Variants in EPHA7 observed in about 807,000 individuals in gnomAD.
EPHA7 encodes the protein EPH receptor A7.
Under a neutral mutation model 112.6 loss-of-function variants are expected in EPHA7, and 25 were observed. That is an observed-to-expected ratio of 0.22 (90% CI 0.16 to 0.31). EPHA7 has a LOEUF of 0.31. EPHA7 is among the 10% of genes least tolerant of loss of function. The probability of loss-of-function intolerance (pLI) is 1.00; values close to 1 mark genes in which losing one functional copy is unlikely to be tolerated. For synonymous variants in EPHA7, 437 were observed against 406.5 expected (o/e 1.07, Z -0.90); for missense variants, 962 against 1,212.6 (o/e 0.79, Z 3.07).
chr6:93,369,163 G>C (rs1478072309), intron 3 of EPHA7, among the ~76,000 whole-genome samples: 1 of 131,786 alleles, frequency 7.6e-6, no homozygotes, highest in African/African-American at 2.9e-5. Flanking sequence ...AGAAAGAAAA[G>C]AAAAGAAAAA....
intron 5 of EPHA7, among the ~76,000 whole-genome samples, chr6:93,298,766 G>A (rs1339456417): frequency 6.6e-6 from 1 of 152,106 alleles, no homozygotes; most frequent in Non-Finnish European, 1.5e-5. Flanking sequence ...ATTTCTGGAG[G>A]TCAGTTTGGC....
intron 3 of EPHA7, among the ~76,000 whole-genome samples, chr6:93,386,780 C>A (rs1389168415): frequency 6.6e-6 from 1 of 152,108 alleles, no homozygotes; most frequent in Non-Finnish European, 1.5e-5. Flanking sequence ...ACCTGCAGGA[C>A]CAACACCACA....
chr6:93,353,183 CT>C (rs1371210743), intron 5 of EPHA7, among the ~76,000 whole-genome samples: 1 of 152,006 alleles, frequency 6.6e-6, no homozygotes, highest in Non-Finnish European at 1.5e-5. Flanking sequence ...TGTTTTCCCC[CT>C]ACTTCTATAT....
intron 7 of EPHA7, among the ~76,000 whole-genome samples, chr6:93,266,753 C>T (rs893353004): frequency 4.6e-5 from 7 of 151,676 alleles, no homozygotes; most frequent in South Asian, 2.1e-4. Context: ...GGTGATATCA[C>T]TGGACCATGC....
At chr6:93,273,952 T>C (rs544246286) in intron 5 of EPHA7, among the ~76,000 whole-genome samples, 2 of 151,844 alleles carry the variant, frequency 1.3e-5, no homozygotes, top group Non-Finnish European at 2.9e-5. Context: ...AAATAATCTC[T>C]AGTAGCATAA....
In EPHA7 at chr6:93,257,542, AG is replaced by A; in HGVS notation, c.2111-20del. 1 of 1,550,058 alleles carries A rather than the reference AG, an allele frequency of 6.5e-7. No individual in the cohort carries two copies. The highest frequency in any genetic ancestry group is 8.8e-7 in the Non-Finnish European group (1 of 1,131,498). ...GGTTTCCCTAAAATTAAAAAAAAAA[AG>A]TTTCAGGAGTCGTAACCTGAGCTGG... On this transcript the variant is annotated intron_variant, in intron 11 of 16. Coordinates refer to ENST00000369303, the MANE Select transcript of EPHA7 (RefSeq NM_004440.4).
chr6:93,418,922 AC>A (rs1315640694), intron 1 of EPHA7, among the ~76,000 whole-genome samples: 3 of 152,174 alleles, frequency 2.0e-5, no homozygotes, highest in Admixed American at 6.5e-5. Flanking sequence ...CGCCTGAGGT[AC>A]TAAGAAATAA....
At chr6:93,314,858 C>CTTTTTT (rs777231219) in intron 5 of EPHA7, among the ~76,000 whole-genome samples, 21 of 101,348 alleles carry the variant, frequency 2.1e-4, no homozygotes, top group African/African-American at 3.0e-4. Context: ...ATATAATTTT[C>CTTTTTT]TTTTTTTTTT....
chr6:93,262,264 T>A (rs538327039), intron 9 of EPHA7, among the ~76,000 whole-genome samples: 25 of 151,580 alleles, frequency 1.6e-4, no homozygotes, highest in Admixed American at 1.1e-3. Context: ...TTTTCTCTAT[T>A]TCCTCTAGCT....
In EPHA7 at chr6:93,414,752, G is replaced by A. The variant is rs750219466; in HGVS notation, c.113C>T (p.Ser38Phe). The change falls in exon 2 of 17, where the codon TCT (serine) becomes TTT (phenylalanine). Residue 38 changes from serine (S) to phenylalanine (F), a missense_variant. Ser to Phe is a radical substitution (Grantham distance 155). This residue lies in a region of EPHA7 where 56 missense variants were observed against 59.9 expected (regional missense o/e 0.94). Transcript: ENST00000369303. Reference protein sequence around the residue: ...QAAKEVLLLDSKAQQTELEWI... With the variant: ...QAAKEVLLLDFKAQQTELEWI... ...CTCCAACTCTGTTTGTTGTGCTTTAGAATCCAGCAGTAGTACTGAAAAAGA... is the reference window on the plus strand; with the variant it reads ...CTCCAACTCTGTTTGTTGTGCTTTAAAATCCAGCAGTAGTACTGAAAAAGA... The A allele has an allele frequency of 6.2e-7, 1 of 1,612,470 alleles. No homozygotes were observed. The highest frequency in any genetic ancestry group is 8.5e-7 in the Non-Finnish European group (1 of 1,179,050).
chr6:93,264,933 C>T lies in EPHA7; in HGVS notation c.1634-231G>A, dbSNP rs1296419733. On this transcript the variant is annotated intron_variant, in intron 7 of 16. Transcript: ENST00000369303. ...TCAGCTACAAAAGAACGTATAAATG[C>T]CTTATTGAATGATTATATTCCTGCT... is the stretch of plus-strand genomic sequence containing the variant. 2.6e-5 allele frequency among the ~76,000 whole-genome samples: 4 copies of T among 151,612 alleles called. No individual in the cohort carries two copies. In the East Asian group the frequency reaches 5.8e-4, roughly 22 times the overall value.
chr6:93,240,757 G>T lies in EPHA7; in HGVS notation c.*2669C>A, dbSNP rs1769656358. 1 of 211,506 alleles carries T rather than the reference G, an allele frequency of 4.7e-6. No homozygotes were observed. Among genetic ancestry groups the T allele is most frequent in the South Asian group, 1.9e-4 (1 of 5,320 alleles). 13.1% of individuals were successfully genotyped at this position (211,506 alleles called of 1,614,324 possible). A position where few individuals can be genotyped will look rare whatever the true frequency, so the allele number is the denominator to read the frequency against. ...GAGCACTAATTTATTTAAAAAAAAA[G>T]ATTTCAAGGTGCAAGTTGTACATTC... On this transcript the variant is annotated 3_prime_UTR_variant, in exon 17 of 17. Coordinates refer to ENST00000369303, the MANE Select transcript of EPHA7 (RefSeq NM_004440.4).
chr6:93,268,866 G>T (rs1771074865), intron 7 of EPHA7, among the ~76,000 whole-genome samples: 1 of 151,716 alleles, frequency 6.6e-6, no homozygotes, highest in Admixed American at 6.6e-5. Flanking sequence ...TGGTCATAGG[G>T]ATATTCATTT....
At chr6:93,361,703 C>T (rs1466209359) in intron 3 of EPHA7, among the ~76,000 whole-genome samples, 3 of 151,946 alleles carry the variant, frequency 2.0e-5, no homozygotes, top group Non-Finnish European at 2.9e-5. Context: ...CCTTAAATTC[C>T]CTTCATACAT....
chr6:93,348,446 A>G (rs936365478), intron 5 of EPHA7, among the ~76,000 whole-genome samples: 2 of 151,870 alleles, frequency 1.3e-5, no homozygotes, highest in African/African-American at 2.4e-5. Flanking sequence ...ATTCAATGTT[A>G]TATAAAAGAT....
intron 5 of EPHA7, among the ~76,000 whole-genome samples, chr6:93,346,801 C>T (rs980673098): frequency 1.3e-5 from 2 of 151,718 alleles, no homozygotes; most frequent in East Asian, 1.9e-4. Flanking sequence ...AACTTCTTTA[C>T]TCTAAAGTGG....
chr6:93,401,031 A>C (rs1016391919), intron 3 of EPHA7, among the ~76,000 whole-genome samples: 13 of 152,052 alleles, frequency 8.5e-5, no homozygotes, highest in African/African-American at 3.1e-4. Context: ...ATTCAGTGTT[A>C]ATGGGTTCAG....
chr6:93,244,112 T>C (rs1296767306), intron 16 of EPHA7, among the ~76,000 whole-genome samples: 2 of 152,172 alleles, frequency 1.3e-5, no homozygotes, highest in South Asian at 4.1e-4. Flanking sequence ...ACATCTAAAT[T>C]TAATAGCTTA....
At position 93,388,553 on chromosome 6, in the gene EPHA7, T is replaced by C. The variant is rs576972434; in HGVS notation, c.832+21948A>G. Among the ~76,000 whole-genome samples, 34 of 152,224 alleles carry C rather than the reference T, an allele frequency of 2.2e-4. No individual in the cohort carries two copies. The South Asian group carries it at 5.4e-3, about 24-fold the overall frequency. On this transcript the variant is annotated intron_variant, in intron 3 of 16. Transcript: ENST00000369303. ...TGAAGGATATAAAGAAATGCTATTA[T>C]TTTGTAGTAACCTATAATCTAATGG... is the stretch of plus-strand genomic sequence containing the variant.
Sources: gnomAD v4.1 joint callset for allele counts (sites outside exome capture counted in the v4.1 genomes callset) on GRCh38, gnomAD v4.1.1 for gene constraint, gnomAD v4.1.1 regional missense constraint, MANE v1.5 for transcripts, NCBI Gene and HGNC (gene_info 2026-07-23, HGNC 2026-07-21) for gene names.